Variants in CTNNA3 observed in about 807,000 individuals in gnomAD.
CTNNA3 encodes catenin alpha 3.
Under a neutral mutation model 95.7 loss-of-function variants are expected in CTNNA3, and 76 were observed. The ratio of observed to expected loss-of-function variants is 0.79; its 90% confidence interval spans 0.66 to 0.96. The LOEUF is 0.96. Ranked by LOEUF, CTNNA3 falls within the 40% of genes least tolerant of loss-of-function variation. The pLI, the probability that CTNNA3 is intolerant of heterozygous loss-of-function variation, is 0.00. For missense variants in CTNNA3, 1,191 were observed against 1,089.8 expected, an observed-to-expected ratio of 1.09 and a Z score of -1.31; for synonymous variants, 431 against 374.4, an observed-to-expected ratio of 1.15 and a Z score of -1.74.
rs902511938 is a variant in CTNNA3, at chr10:66,696,743, G to A, written c.1281+69521C>T. On this transcript the variant is annotated intron_variant, in intron 9 of 17. Transcript: ENST00000433211. ...AGGTCAGGAGTTCAAGATCAGCCTG[G>A]GCAATAAAGTGAAACTCTGTCTCTA... 6.6e-5 allele frequency among the ~76,000 whole-genome samples: 10 copies of A among 150,768 alleles called. No homozygotes were observed. In the South Asian group the frequency reaches 2.1e-3, roughly 32 times the overall value.
intron 12 of CTNNA3, among the ~76,000 whole-genome samples, chr10:66,335,391 C>T (rs183278568): frequency 1.1e-3 from 173 of 152,118 alleles, no homozygotes; most frequent in African/African-American, 1.3e-3. Context: ...ATGATGGTGA[C>T]GTACAGATGG....
chr10:66,854,175 G>T (rs898057722), intron 7 of CTNNA3, among the ~76,000 whole-genome samples: 2 of 151,878 alleles, frequency 1.3e-5, no homozygotes, highest in Admixed American at 1.3e-4. Flanking sequence ...ACACATTTAG[G>T]GATCAAATTA....
intron 7 of CTNNA3, among the ~76,000 whole-genome samples, chr10:66,828,455 G>A (rs1355620620): frequency 2.0e-5 from 3 of 152,202 alleles, no homozygotes; most frequent in South Asian, 2.1e-4. Flanking sequence ...ATCTGTGTAC[G>A]TGGCAATTTC....
At chr10:66,630,762 G>A (rs1478364515) in intron 9 of CTNNA3, among the ~76,000 whole-genome samples, 2 of 152,238 alleles carry the variant, frequency 1.3e-5, no homozygotes, top group African/African-American at 2.4e-5. Flanking sequence ...TCCCTTGGTA[G>A]TAATAAGAAA....
chr10:67,514,177 G>GT (rs1839734387), intron 5 of CTNNA3, among the ~76,000 whole-genome samples: 1 of 152,116 alleles, frequency 6.6e-6, no homozygotes, highest in Admixed American at 6.5e-5. Context: ...GTGGATGCCT[G>GT]TAATTCCAGC....
At chr10:67,168,040 GGCAGGAGAATT>G (rs1210298743) in intron 7 of CTNNA3, among the ~76,000 whole-genome samples, 1 of 152,188 alleles carries the variant, frequency 6.6e-6, no homozygotes, top group Admixed American at 6.5e-5. Context: ...AGGAGGTTGA[GGCAGGAGAATT>G]GCTTGAACTG....
At chr10:66,754,777 T>A (rs140610557) in intron 9 of CTNNA3, among the ~76,000 whole-genome samples, 1,768 of 152,228 alleles carry the variant, frequency 0.012, 32 homozygotes, top group African/African-American at 0.039. Context: ...ACCCCCACGA[T>A]GATGGCTATA....
chr10:66,622,640 T>C (rs1844789282), intron 9 of CTNNA3, among the ~76,000 whole-genome samples: 1 of 152,162 alleles, frequency 6.6e-6, no homozygotes, highest in South Asian at 2.1e-4. Flanking sequence ...ATTGTCTTTA[T>C]CATTGCAAGG....
At chr10:66,624,470 A>C (rs1168174129) in intron 9 of CTNNA3, among the ~76,000 whole-genome samples, 1 of 152,142 alleles carries the variant, frequency 6.6e-6, no homozygotes, top group African/African-American at 2.4e-5. Context: ...GAGCCTAAAG[A>C]AATTTAACAA....
intron 11 of CTNNA3, among the ~76,000 whole-genome samples, chr10:66,389,734 A>G (rs1301604562): frequency 1.6e-5 from 2 of 126,046 alleles, no homozygotes; most frequent in Non-Finnish European, 3.4e-5. Context: ...GGAGAGAGAG[A>G]GAGAGAGAGA....
intron 13 of CTNNA3, among the ~76,000 whole-genome samples, chr10:66,143,988 T>G (rs762168797): frequency 6.6e-6 from 1 of 152,246 alleles, no homozygotes; most frequent in Non-Finnish European, 1.5e-5. Context: ...AATCTAATGA[T>G]TGTACTGTTT....
intron 1 of CTNNA3, among the ~76,000 whole-genome samples, chr10:67,672,699 G>A (rs1418627464): frequency 6.6e-6 from 1 of 152,132 alleles, no homozygotes. Flanking sequence ...TGAGGGCTCT[G>A]TTCTGTTCCA....
chr10:66,443,077 A>T (rs1451832920), intron 11 of CTNNA3, among the ~76,000 whole-genome samples: 2 of 152,216 alleles, frequency 1.3e-5, no homozygotes, highest in South Asian at 2.1e-4. Flanking sequence ...GCAGTCTGAG[A>T]TCAAACTGCA....
chr10:67,042,121 G>T (rs1371714846), intron 7 of CTNNA3, among the ~76,000 whole-genome samples: 1 of 152,166 alleles, frequency 6.6e-6, no homozygotes, highest in Non-Finnish European at 1.5e-5. Flanking sequence ...AACTATGAAA[G>T]AAGAGGATTT....
chr10:67,558,576 T>C (rs911947642), intron 3 of CTNNA3, among the ~76,000 whole-genome samples: 3 of 152,136 alleles, frequency 2.0e-5, no homozygotes, highest in African/African-American at 7.2e-5. Context: ...AGACGGGTGA[T>C]TTCTGCATTT....
chr10:66,089,165 AAAAT>A (rs1328106076), intron 14 of CTNNA3, among the ~76,000 whole-genome samples: 1 of 151,906 alleles, frequency 6.6e-6, no homozygotes, highest in African/African-American at 2.4e-5. Flanking sequence ...TAAAGTCACA[AAAAT>A]AAATATTTAC....
At chr10:66,552,050 T>C (rs984076270) in intron 10 of CTNNA3, among the ~76,000 whole-genome samples, 1 of 151,814 alleles carries the variant, frequency 6.6e-6, no homozygotes, top group African/African-American at 2.4e-5. Context: ...ATTACAGGCG[T>C]GTGCCACCAC....
chr10:65,948,086 G>A (rs2077547695), intron 17 of CTNNA3, among the ~76,000 whole-genome samples: 1 of 152,086 alleles, frequency 6.6e-6, no homozygotes, highest in African/African-American at 2.4e-5. Context: ...GATCATCCTG[G>A]CTAACACGGT....
chr10:66,514,617 T>C (rs1840774175), intron 11 of CTNNA3, among the ~76,000 whole-genome samples: 1 of 152,136 alleles, frequency 6.6e-6, no homozygotes, highest in Non-Finnish European at 1.5e-5. Flanking sequence ...CCACAGTTCT[T>C]TTGCAAGTAA....
Sources: gnomAD v4.1 joint callset for allele counts (sites outside exome capture counted in the v4.1 genomes callset) on GRCh38, gnomAD v4.1.1 for gene constraint, MANE v1.5 for transcripts, NCBI Gene and HGNC (gene_info 2026-07-23, HGNC 2026-07-21) for gene names.